The following ARHGEF11 variants were observed in gnomAD, a reference collection of about 807,000 sequenced individuals.
ARHGEF11 encodes the protein Rho guanine nucleotide exchange factor 11.
In ARHGEF11, 55 loss-of-function variants were observed where a neutral mutation model predicts 193.7. That is an observed-to-expected ratio of 0.28 (90% CI 0.23 to 0.36). The LOEUF (loss-of-function observed/expected upper bound fraction) is 0.36, where lower values mean the gene tolerates loss of function less well. Among genes scored for constraint, ARHGEF11 ranks in the 10% least tolerant of loss-of-function variants. The pLI is 1.00. For missense variants in ARHGEF11, 1,723 were observed against 2,005.6 expected (o/e 0.86, Z 2.69); for synonymous variants, 693 against 768.0 (o/e 0.90, Z 1.62).
At chr1:156,959,336 A>G (rs1660446111) in intron 15 of ARHGEF11, among the ~76,000 whole-genome samples, 194 bp from the exon 16 acceptor site, 1 of 152,232 alleles carries the variant, frequency 6.6e-6, no homozygotes, top group Admixed American at 6.5e-5. Context: ...CTGGATGCTG[A>G]TATCTAAAGT....
intron 3 of ARHGEF11, among the ~76,000 whole-genome samples, chr1:156,981,054 A>T (rs1664100582): frequency 6.6e-6 from 1 of 151,758 alleles, no homozygotes; most frequent in African/African-American, 2.4e-5. Flanking sequence ...TTTTATAGAC[A>T]GCCTTGCCCT....
intron 13 of ARHGEF11, among the ~76,000 whole-genome samples, chr1:156,962,498 G>A (rs1661036428): frequency 6.6e-6 from 1 of 152,114 alleles, no homozygotes; most frequent in Admixed American, 6.5e-5. Context: ...TCACACGGAA[G>A]ACCCTTTAAG....
intron 1 of ARHGEF11, among the ~76,000 whole-genome samples, chr1:157,015,140 T>C (rs1267605979): frequency 1.3e-5 from 2 of 152,188 alleles, no homozygotes; most frequent in African/African-American, 4.8e-5. Flanking sequence ...AGTTAAACAA[T>C]ACATCCTGGA....
intron 1 of ARHGEF11, among the ~76,000 whole-genome samples, chr1:157,025,351 T>C (rs1214788286): frequency 6.6e-6 from 1 of 152,168 alleles, no homozygotes; most frequent in African/African-American, 2.4e-5. Flanking sequence ...ATGTCGAAGA[T>C]AAATAAGCAC....
chr1:156,945,132 C>T lies in ARHGEF11; in HGVS notation c.2878G>A (p.Val960Met). The change falls in exon 30 of 41, where the codon GTG becomes ATG. Residue 960 changes from valine to methionine, a missense_variant. Val to Met is a conservative substitution (Grantham distance 21). This residue lies in a region of ARHGEF11 where 491 missense variants were observed against 654.5 expected (regional missense o/e 0.75). Transcript: ENST00000368194. ...TCTGTTTGTTTTACCGCTTCATTCA[C>T]ATACTTGAGAATCTCCCGGCACTGG... The part of the protein sequence containing the change: ...RDQCREILKY[V>M]NEAVKQTENR... The T allele has an allele frequency of 6.2e-7, 1 of 1,614,210 alleles. No individual in the cohort carries two copies. The highest frequency in any genetic ancestry group is 8.5e-7 in the Non-Finnish European group (1 of 1,180,030).
intron 36 of ARHGEF11, 32 bp downstream of exon 36, chr1:156,940,175 A>G: frequency 3.9e-6 from 6 of 1,539,010 alleles, no homozygotes; most frequent in Non-Finnish European, 5.3e-6. Flanking sequence ...ACTGGGGACC[A>G]GGGGCTGACG....
At chr1:156,936,180 AC>A in intron 40 of ARHGEF11, 122 bp from the exon 41 acceptor site, 1 of 1,055,734 alleles carries the variant, frequency 9.5e-7, no homozygotes, top group Non-Finnish European at 1.5e-6. Flanking sequence ...TCCTCCAGAA[AC>A]CCCAGTTTCT....
intron 38 of ARHGEF11, 40 bp downstream of exon 38, chr1:156,938,376 CCA>C: frequency 6.3e-6 from 10 of 1,583,952 alleles, no homozygotes; most frequent in Non-Finnish European, 8.6e-6. Flanking sequence ...GTTCCACACT[CCA>C]GTCTTGGCCT....
chr1:156,960,738 G>A (rs1660709355), intron 14 of ARHGEF11, among the ~76,000 whole-genome samples: 1 of 152,176 alleles, frequency 6.6e-6, no homozygotes, highest in South Asian at 2.1e-4. Flanking sequence ...GAGCGCATGG[G>A]ATGGCATGTT....
At chr1:157,013,297 A>ACACACACACACACACACACC (rs1203026868) in intron 1 of ARHGEF11, among the ~76,000 whole-genome samples, 1 of 150,194 alleles carries the variant, frequency 6.7e-6, no homozygotes, top group South Asian at 2.2e-4. Context: ...ACACACACAC[A>ACACACACACACACACACACC]CACCAAGAAC....
intron 1 of ARHGEF11, among the ~76,000 whole-genome samples, chr1:157,023,078 T>C (rs1450812732): frequency 2.0e-5 from 3 of 152,206 alleles, no homozygotes; most frequent in African/African-American, 4.8e-5. Flanking sequence ...TTCGTGACTT[T>C]TGAGGTAGGC....
At chr1:157,043,335 A>AC (rs1558002894) in intron 1 of ARHGEF11, among the ~76,000 whole-genome samples, 1 of 151,974 alleles carries the variant, frequency 6.6e-6, no homozygotes, top group African/African-American at 2.4e-5. Flanking sequence ...CACAAAACAC[A>AC]CCCCCCACAG....
intron 36 of ARHGEF11, 113 bp from the exon 37 acceptor site, chr1:156,940,023 T>TGGAG: frequency 6.6e-7 from 1 of 1,506,060 alleles, no homozygotes; most frequent in Non-Finnish European, 8.9e-7. Flanking sequence ...CAGGTGAAGC[T>TGGAG]GGAGGGCTCT....
In ARHGEF11 at chr1:156,941,889, C is replaced by T. The variant is rs769350975; in HGVS notation, c.3427G>A (p.Ala1143Thr). The change falls in exon 34 of 41, where the codon GCC becomes ACC. Residue 1143 changes from alanine to threonine, a missense_variant. Coordinates refer to ENST00000368194, the MANE Select transcript of ARHGEF11 (RefSeq NM_198236.3). ...CTGCTGGGTGTGGGGCCCTGCTGGG[C>T]TGGCTCCCGGGGACCTGGGGGTGGA... ...HPPPPGPREP[A>T]QQGPTPSRVE... 4 of 1,612,466 alleles carry T rather than the reference C, an allele frequency of 2.5e-6. No individual in the cohort carries two copies. Among genetic ancestry groups the T allele is most frequent in the Non-Finnish European group, 3.4e-6 (4 of 1,179,270 alleles).
At chr1:156,951,758 G>A in intron 21 of ARHGEF11, 59 bp from the exon 22 acceptor site, 1 of 1,606,604 alleles carries the variant, frequency 6.2e-7, no homozygotes, top group South Asian at 1.1e-5. Flanking sequence ...GGCTTCTCAG[G>A]CTTGGACTTC....
chr1:156,982,503 G>A (rs895207435), intron 3 of ARHGEF11, among the ~76,000 whole-genome samples: 10 of 152,124 alleles, frequency 6.6e-5, no homozygotes, highest in Non-Finnish European at 1.3e-4. Flanking sequence ...TCCAAATGAA[G>A]TCTCTTTTAC....
chr1:156,960,394 T>A (rs1660654716), intron 15 of ARHGEF11, 24 bp downstream of exon 15: 3 of 1,613,458 alleles, frequency 1.9e-6, no homozygotes, highest in South Asian at 2.2e-5. Context: ...AAGAAGAGAC[T>A]TACCGACCAA....
chr1:157,035,569 C>T lies in ARHGEF11; in HGVS notation c.32+8730G>A, dbSNP rs542034855. On this transcript the variant is annotated intron_variant, in intron 1 of 40. Transcript: ENST00000368194. ...TACAGGAATGCACCACCACGTGCGGCTAATTTTGTATTTTTAGTAGAGACG... is the reference window on the plus strand; with the variant it reads ...TACAGGAATGCACCACCACGTGCGGTTAATTTTGTATTTTTAGTAGAGACG... Among the ~76,000 whole-genome samples, 3 of 151,814 alleles carry T rather than the reference C, an allele frequency of 2.0e-5. No individual in the cohort carries two copies. In the East Asian group the frequency reaches 5.8e-4, roughly 29 times the overall value.
At chr1:156,993,579 C>T (rs369666994) in intron 1 of ARHGEF11, among the ~76,000 whole-genome samples, 2 of 152,184 alleles carry the variant, frequency 1.3e-5, no homozygotes, top group South Asian at 4.1e-4. Flanking sequence ...CAAGAGACAC[C>T]CTACCAGGAC....
Sources: gnomAD v4.1 joint callset for allele counts (sites outside exome capture counted in the v4.1 genomes callset) on GRCh38, gnomAD v4.1.1 for gene constraint, gnomAD v4.1.1 regional missense constraint, MANE v1.5 for transcripts, NCBI Gene and HGNC (gene_info 2026-07-23, HGNC 2026-07-21) for gene names.